TBC1D5: variants seen among roughly 807,000 people sequenced by gnomAD.
The protein encoded by TBC1D5 is TBC1 domain family, member 5.
A neutral mutation model predicts 100.3 loss-of-function variants in TBC1D5; 75 were observed. The ratio of observed to expected loss-of-function variants is 0.75; its 90% CI spans 0.62 to 0.91. The LOEUF (loss-of-function observed/expected upper bound fraction) is 0.91, where lower values mean the gene tolerates loss of function less well. Ranked by LOEUF, TBC1D5 falls within the 40% of genes least tolerant of loss-of-function variation. The pLI, the probability that TBC1D5 is intolerant of heterozygous loss-of-function variation, is 0.00. For synonymous variants in TBC1D5, 323 were observed against 325.6 expected (o/e 0.99, Z 0.09); for missense variants, 910 against 942.4 (o/e 0.97, Z 0.45).
In TBC1D5 at chr3:17,382,192, A is replaced by G. The variant is rs77543924; in HGVS notation, c.612+1721T>C. Among the ~76,000 whole-genome samples the G allele has an allele frequency of 6.7e-3, 1,018 of 152,238 alleles. 5 individuals carry two copies. Among genetic ancestry groups the G allele is most frequent in the Non-Finnish European group, 0.011 (762 of 67,982 alleles). On this transcript the variant is annotated intron_variant, in intron 9 of 21. Coordinates refer to ENST00000253692, the Ensembl canonical transcript of TBC1D5. ...GCTTGGCACCAAATGTTAACTCTAG[A>G]AAGTAATTACTATTATTACCCTCAT...
chr3:17,345,077 T>A (rs1254035888), intron 13 of TBC1D5, among the ~76,000 whole-genome samples: 7 of 152,020 alleles, frequency 4.6e-5, no homozygotes, highest in South Asian at 2.1e-4. Context: ...ATGGGATCTA[T>A]TTAAACTAAA....
intron 2 of TBC1D5, among the ~76,000 whole-genome samples, chr3:17,544,791 GCCT>G (rs2096398633): frequency 1.3e-5 from 2 of 152,004 alleles, no homozygotes; most frequent in African/African-American, 4.8e-5. Context: ...TTCAAATGTA[GCCT>G]CCTATCTCCT....
rs190526915 is a variant in TBC1D5, at chr3:17,666,729, G to A, written c.-100-42816C>T. On this transcript the variant is annotated intron_variant, in intron 1 of 21. Coordinates refer to ENST00000253692, the Ensembl canonical transcript of TBC1D5. ...TTCACAAAAGCCCTACCTGTGTAAC[G>A]ATCTTATATAGGAGTTAAGATCTAA... Among the ~76,000 whole-genome samples, 252 of 152,032 alleles carry A rather than the reference G, an allele frequency of 1.7e-3. 1 individual carries two copies. Among genetic ancestry groups the A allele is most frequent in the South Asian group, 6.3e-4 (3 of 4,794 alleles).
At chr3:17,353,606 C>T (rs2090890298) in intron 13 of TBC1D5, among the ~76,000 whole-genome samples, 1 of 152,012 alleles carries the variant, frequency 6.6e-6, no homozygotes, top group South Asian at 2.1e-4. Flanking sequence ...TTCTTATTAT[C>T]TTTTCCTTCT....
intron 3 of TBC1D5, among the ~76,000 whole-genome samples, chr3:17,439,145 G>C (rs1368778226): frequency 1.3e-5 from 2 of 152,128 alleles, no homozygotes; most frequent in Non-Finnish European, 2.9e-5. Context: ...TACAATCAGT[G>C]CTAGATCCCT....
At chr3:17,251,498 C>A (rs901545528) in intron 16 of TBC1D5, among the ~76,000 whole-genome samples, 2 of 137,430 alleles carry the variant, frequency 1.5e-5, no homozygotes, top group Admixed American at 8.2e-5. Context: ...GGAAAGCAGG[C>A]GGCTAATACC....
Position 17,440,963 on chromosome 3 carries a change from G to A in TBC1D5, c.98-12444C>T, listed in dbSNP as rs568425213. Among the ~76,000 whole-genome samples, 254 of 152,230 alleles carry A rather than the reference G, an allele frequency of 1.7e-3. 2 individuals carry two copies. Among genetic ancestry groups the A allele is most frequent in the African/African-American group, 5.9e-3 (245 of 41,540 alleles). On this transcript the variant is annotated intron_variant, in intron 3 of 21. Coordinates refer to ENST00000253692, the Ensembl canonical transcript of TBC1D5. ...CACCAAAAAGATTCGTTTTTAAGTG[G>A]TCACTTGAAGTTCAGGGTGAAGTGA...
Position 17,258,601 on chromosome 3 carries a change from A to T in TBC1D5, c.1246-10T>A. On this transcript the variant is annotated splice_polypyrimidine_tract_variant and intron_variant, in intron 15 of 21. Coordinates refer to ENST00000253692, the Ensembl canonical transcript of TBC1D5. ...CTGGTCTTGGATTTCTCTAAAAAAAAATACATTTTTAAAAAGCTAGTTAAA... is the reference window on the plus strand; with the variant it reads ...CTGGTCTTGGATTTCTCTAAAAAAATATACATTTTTAAAAAGCTAGTTAAA... The T allele has an allele frequency of 6.2e-7, 1 of 1,606,958 alleles. No homozygotes were observed. Among genetic ancestry groups the T allele is most frequent in the Non-Finnish European group, 8.5e-7 (1 of 1,175,192 alleles).
chr3:17,329,190 TG>T (rs1310075994), intron 13 of TBC1D5, among the ~76,000 whole-genome samples: 1 of 152,194 alleles, frequency 6.6e-6, no homozygotes, highest in East Asian at 1.9e-4. Flanking sequence ...TTAGGTCCTT[TG>T]TAATATCCGT....
At chr3:17,635,163 G>T (rs899154738) in intron 1 of TBC1D5, among the ~76,000 whole-genome samples, 1 of 152,182 alleles carries the variant, frequency 6.6e-6, no homozygotes, top group Non-Finnish European at 1.5e-5. Context: ...TATCAACAGA[G>T]ATGGGGAAGA....
intron 2 of TBC1D5, among the ~76,000 whole-genome samples, chr3:17,558,730 G>A (rs2096537748): frequency 6.6e-6 from 1 of 152,194 alleles, no homozygotes; most frequent in African/African-American, 2.4e-5. Context: ...GGTACCTGTT[G>A]CAACTACTTA....
chr3:17,442,522 T>A (rs966928639), intron 3 of TBC1D5, among the ~76,000 whole-genome samples: 5 of 152,188 alleles, frequency 3.3e-5, no homozygotes, highest in African/African-American at 1.2e-4. Context: ...CCAGACACAG[T>A]GTGTGGGGTA....
chr3:17,435,331 T>A (rs1213019077), intron 3 of TBC1D5, among the ~76,000 whole-genome samples: 1 of 152,192 alleles, frequency 6.6e-6, no homozygotes. Context: ...TAGTACCTTA[T>A]CACATTGCTA....
At chr3:17,366,177 G>C (rs1004684340) in intron 13 of TBC1D5, among the ~76,000 whole-genome samples, 11 of 152,162 alleles carry the variant, frequency 7.2e-5, no homozygotes, top group Non-Finnish European at 1.0e-4. Context: ...TGTGGTCCCA[G>C]CTACTTGGAA....
intron 2 of TBC1D5, among the ~76,000 whole-genome samples, chr3:17,550,835 A>C (rs1159743608): frequency 6.6e-6 from 1 of 152,198 alleles, no homozygotes; most frequent in Non-Finnish European, 1.5e-5. Context: ...AGATATCAAT[A>C]AACTGTCATC....
At chr3:17,729,343 A>C (rs535955729) in intron 1 of TBC1D5, among the ~76,000 whole-genome samples, 1 of 113,494 alleles carries the variant, frequency 8.8e-6, no homozygotes, top group African/African-American at 2.9e-5. Flanking sequence ...GTGAAAGATG[A>C]AATTTGAGAG....
chr3:17,695,584 C>A (rs1228902578), intron 1 of TBC1D5, among the ~76,000 whole-genome samples: 1 of 152,080 alleles, frequency 6.6e-6, no homozygotes, highest in Non-Finnish European at 1.5e-5. Flanking sequence ...ACAGGAGCAC[C>A]CAGATTCATA....
intron 14 of TBC1D5, among the ~76,000 whole-genome samples, chr3:17,307,293 T>A (rs1406554953): frequency 6.6e-6 from 1 of 152,216 alleles, no homozygotes; most frequent in Non-Finnish European, 1.5e-5. Context: ...ATATTTTGGC[T>A]AACAAGTTCT....
intron 2 of TBC1D5, among the ~76,000 whole-genome samples, chr3:17,532,739 A>T (rs1297674495): frequency 6.6e-6 from 1 of 152,010 alleles, no homozygotes; most frequent in African/African-American, 2.4e-5. Flanking sequence ...CGCAAGGACA[A>T]AAAACCAAAC....
Sources: allele counts gnomAD v4.1 joint callset (sites outside exome capture counted in the v4.1 genomes callset), GRCh38; gene constraint gnomAD v4.1.1; transcripts MANE v1.5; gene names NCBI Gene and HGNC (gene_info 2026-07-23, HGNC 2026-07-21).